MCTP2: variants seen among roughly 807,000 people sequenced by gnomAD.
The protein encoded by MCTP2 is multiple C2 and transmembrane domain-containing protein 2.
In MCTP2, 132 loss-of-function variants were observed where a neutral mutation model predicts 111.6. The ratio of observed to expected loss-of-function variants is 1.18; its 90% CI spans 1.03 to 1.37. MCTP2 has a LOEUF of 1.37. MCTP2 is among the 40% of genes most tolerant of loss of function. The pLI, the probability that MCTP2 is intolerant of heterozygous loss-of-function variation, is 0.00. For synonymous variants in MCTP2, 395 were observed against 387.7 expected (o/e 1.02, Z -0.22); for missense variants, 1,183 against 1,067.9 (o/e 1.11, Z -1.50).
At chr15:94,234,778 T>C (rs57029823) in intron 1 of MCTP2, among the ~76,000 whole-genome samples, 166 of 152,320 alleles carry the variant, frequency 1.1e-3, no homozygotes, top group African/African-American at 3.7e-3. Context: ...TAAGGCGAAG[T>C]CCTGATTGTC....
At chr15:94,323,299 CCT>C (rs1434259252) in intron 4 of MCTP2, among the ~76,000 whole-genome samples, 2 of 152,088 alleles carry the variant, frequency 1.3e-5, no homozygotes, top group African/African-American at 2.4e-5. Flanking sequence ...TTAGCTGTGG[CCT>C]CTCAGTGTGT....
chr15:94,302,134 G>C (rs2075645328), intron 2 of MCTP2, among the ~76,000 whole-genome samples: 1 of 152,160 alleles, frequency 6.6e-6, no homozygotes, highest in Non-Finnish European at 1.5e-5. Context: ...TGGCCTGAGG[G>C]ATCCCTAGGG....
At chr15:94,464,255 TATTATATATA>T (rs2085417440) in intron 20 of MCTP2, among the ~76,000 whole-genome samples, 1 of 80,230 alleles carries the variant, frequency 1.2e-5, no homozygotes, top group African/African-American at 5.7e-5. Flanking sequence ...TATATATATA[TATTATATATA>T]TATATATATA....
At position 94,298,212 on chromosome 15, in the gene MCTP2, G is replaced by GTTT; in HGVS notation, c.-52_-50dup. On this transcript the variant is annotated 5_prime_UTR_variant, in exon 2 of 23. Transcript: ENST00000357742. Reference sequence around the variant, plus strand: ...TTTCTGTTTTATAGGAGTCATTGCAGTTTTCAGTAGAGGTGTACTTCTGAG... The same window carrying GTTT: ...TTTCTGTTTTATAGGAGTCATTGCAGTTTTTTTCAGTAGAGGTGTACTTCTGAG... 5.3e-6 allele frequency: 7 copies of GTTT among 1,331,360 alleles called. No homozygotes were observed. The highest frequency in any genetic ancestry group is 2.7e-5 in the Admixed American group (1 of 36,540). 82.5% of individuals were successfully genotyped at this position (1,331,360 alleles called of 1,614,324 possible).
intron 2 of MCTP2, among the ~76,000 whole-genome samples, chr15:94,313,300 A>G (rs1171677409): frequency 1.3e-5 from 2 of 152,210 alleles, no homozygotes; most frequent in Non-Finnish European, 2.9e-5. Flanking sequence ...CTTTGTGCCT[A>G]TAAAAGCTGA....
chr15:94,290,679 T>G (rs941746244), intron 1 of MCTP2, among the ~76,000 whole-genome samples: 1 of 152,176 alleles, frequency 6.6e-6, no homozygotes, highest in East Asian at 1.9e-4. Context: ...AATATATTGT[T>G]ATTGTAAGCT....
chr15:94,326,217 C>T (rs532010090), intron 4 of MCTP2, among the ~76,000 whole-genome samples: 3 of 152,088 alleles, frequency 2.0e-5, no homozygotes, highest in Non-Finnish European at 4.4e-5. Context: ...ACATTTTTCT[C>T]TGTATTATAA....
chr15:94,417,838 A>G (rs1442131401), intron 17 of MCTP2, among the ~76,000 whole-genome samples: 1 of 152,140 alleles, frequency 6.6e-6, no homozygotes, highest in South Asian at 2.1e-4. Flanking sequence ...ATCACTCACT[A>G]ATCACTATTG....
In MCTP2 at chr15:94,370,181, G is replaced by A. The variant is rs2079409347; in HGVS notation, c.1582+1G>A. The A allele has an allele frequency of 6.2e-7, 1 of 1,600,680 alleles. No individual in the cohort carries two copies. The highest frequency in any genetic ancestry group is 1.1e-5 in the South Asian group (1 of 88,532). On this transcript the variant is annotated splice_donor_variant, in intron 12 of 22. Coordinates refer to ENST00000357742, the MANE Select transcript of MCTP2 (RefSeq NM_001385001.1). LOFTEE classifies it high-confidence loss of function. The stretch of plus-strand genomic sequence containing the variant: ...GATCTCTTAGCGGCAGATTTCTCAG[G>A]TACAGGACATTTTCATTTTCTAATT...
At chr15:94,459,416 C>T (rs560334466) in intron 20 of MCTP2, among the ~76,000 whole-genome samples, 3 of 152,260 alleles carry the variant, frequency 2.0e-5, no homozygotes, top group African/African-American at 7.2e-5. Flanking sequence ...CAGCCAATGA[C>T]ATTGCCCTCG....
At position 94,244,941 on chromosome 15, in the gene MCTP2, C is replaced by T. The variant is rs572519544; in HGVS notation, c.-66+13277C>T. 4.0e-4 allele frequency among the ~76,000 whole-genome samples: 54 copies of T among 134,064 alleles called. 2 individuals are homozygous for T. Among genetic ancestry groups the T allele is most frequent in the African/African-American group, 1.4e-3 (52 of 36,434 alleles). The allele number at this position is 134,064 out of a possible 152,430, so 88.0% of individuals were successfully genotyped here. A position where few individuals can be genotyped will look rare whatever the true frequency, so the allele number is the denominator to read the frequency against. ...TTATATACGTATATGTATACACATA[C>T]ATATGCACCTGTTTATATACGTATA... On this transcript the variant is annotated intron_variant, in intron 1 of 22. Transcript: ENST00000357742.
chr15:94,328,407 T>A (rs147402170), intron 4 of MCTP2, among the ~76,000 whole-genome samples: 1 of 152,262 alleles, frequency 6.6e-6, no homozygotes, highest in East Asian at 1.9e-4. Flanking sequence ...GGATTCCAGG[T>A]GTGAGCCACC....
At chr15:94,268,012 C>CCCG (rs1295769458) in intron 1 of MCTP2, among the ~76,000 whole-genome samples, 1 of 150,160 alleles carries the variant, frequency 6.7e-6, no homozygotes, top group Non-Finnish European at 1.5e-5. Context: ...ACTACAGGTG[C>CCCG]CCGCCACCAC....
At chr15:94,245,413 TATAC>T (rs1289292172) in intron 1 of MCTP2, among the ~76,000 whole-genome samples, 14 of 137,580 alleles carry the variant, frequency 1.0e-4, no homozygotes, top group African/African-American at 3.7e-4. Context: ...TATATATTTA[TATAC>T]ATGTGTGTAT....
rs372093195 is a variant in MCTP2, at chr15:94,301,950, C to G, written c.465+3220C>G. On this transcript the variant is annotated intron_variant, in intron 2 of 22. Coordinates refer to ENST00000357742, the MANE Select transcript of MCTP2 (RefSeq NM_001385001.1). ...TTATCTGTTTCTTCCTAGTTAATAG[C>G]TGGTGGCTTTCTATACCTTGTGTGG... Among the ~76,000 whole-genome samples the G allele has an allele frequency of 2.3e-3, 346 of 151,550 alleles. 2 individuals are homozygous for G. Among genetic ancestry groups the G allele is most frequent in the African/African-American group, 8.2e-3 (337 of 41,246 alleles).
intron 17 of MCTP2, among the ~76,000 whole-genome samples, chr15:94,414,922 T>C (rs1207857676): frequency 6.6e-6 from 1 of 152,182 alleles, no homozygotes; most frequent in Non-Finnish European, 1.5e-5. Flanking sequence ...ACCACCAGCT[T>C]CCATCTTAAA....
chr15:94,426,353 GC>G (rs1422842148), intron 17 of MCTP2, among the ~76,000 whole-genome samples: 1 of 151,944 alleles, frequency 6.6e-6, no homozygotes, highest in African/African-American at 2.4e-5. Flanking sequence ...TTCTCAGTGT[GC>G]CATACTTCTT....
At chr15:94,440,678 T>C (rs2083728869) in intron 18 of MCTP2, among the ~76,000 whole-genome samples, 1 of 152,184 alleles carries the variant, frequency 6.6e-6, no homozygotes, top group Admixed American at 6.5e-5. Context: ...TCTGCAGGGC[T>C]AACTCTGGCC....
chr15:94,301,171 A>G (rs1249163056), intron 2 of MCTP2, among the ~76,000 whole-genome samples: 1 of 152,180 alleles, frequency 6.6e-6, no homozygotes, highest in Non-Finnish European at 1.5e-5. Context: ...CAAAACAAAG[A>G]CCAAGACTGA....
Sources: allele counts gnomAD v4.1 joint callset (sites outside exome capture counted in the v4.1 genomes callset), GRCh38; gene constraint gnomAD v4.1.1; transcripts MANE v1.5; gene names NCBI Gene and HGNC (gene_info 2026-07-23, HGNC 2026-07-21).